The following SMAP1 variants were observed in gnomAD, a reference collection of about 807,000 sequenced individuals.
SMAP1 encodes small ArfGAP 1, also known as stromal membrane-associated protein 1.
SMAP1 carries 24 observed loss-of-function variants against 58.5 expected under a neutral mutation model. That is an observed-to-expected ratio of 0.41 (90% CI 0.30 to 0.58). SMAP1 has a LOEUF of 0.58. SMAP1 is among the 20% of genes least tolerant of loss of function. The probability of loss-of-function intolerance (pLI) is 0.29; values close to 1 mark genes in which losing one functional copy is unlikely to be tolerated. For synonymous variants in SMAP1, 216 were observed against 196.6 expected, an observed-to-expected ratio of 1.10 and a Z score of -0.82; for missense variants, 563 against 566.3, an observed-to-expected ratio of 0.99 and a Z score of 0.06.
intron 3 of SMAP1, among the ~76,000 whole-genome samples, chr6:70,766,438 C>G (rs1766990294): frequency 6.6e-6 from 1 of 152,178 alleles, no homozygotes; most frequent in Non-Finnish European, 1.5e-5. Context: ...GATTGCCATT[C>G]TAACTGGTGT....
intron 1 of SMAP1, among the ~76,000 whole-genome samples, chr6:70,671,448 C>T (rs768744300): frequency 2.0e-5 from 3 of 152,156 alleles, no homozygotes; most frequent in Non-Finnish European, 2.9e-5. Flanking sequence ...TGGCAGGCAC[C>T]TGTAATCCCT....
chr6:70,668,896 T>G (rs1205497281), intron 1 of SMAP1, among the ~76,000 whole-genome samples: 1 of 152,160 alleles, frequency 6.6e-6, no homozygotes, highest in Non-Finnish European at 1.5e-5. Context: ...ACCAGCTAGT[T>G]TGGGAGAATA....
intron 5 of SMAP1, 52 bp downstream of exon 5, chr6:70,791,821 A>G (rs1221833052): frequency 6.7e-7 from 1 of 1,485,010 alleles, no homozygotes; most frequent in East Asian, 2.3e-5. Flanking sequence ...TGGTAAATTA[A>G]CTTCCTTTTG....
chr6:70,797,748 A>G (rs1768668099), intron 5 of SMAP1, among the ~76,000 whole-genome samples: 1 of 152,080 alleles, frequency 6.6e-6, no homozygotes, highest in Admixed American at 6.6e-5. Flanking sequence ...TATTTTGAGT[A>G]AGTTCTGCAT....
In SMAP1 at chr6:70,755,133, T is replaced by G. The variant is rs530325858; in HGVS notation, c.338+68T>G. 32 of 1,223,990 alleles carry G rather than the reference T, an allele frequency of 2.6e-5. No individual in the cohort carries two copies. In the African/African-American group the frequency reaches 2.7e-4, roughly 10 times the overall value. 75.8% of individuals were successfully genotyped at this position (1,223,990 alleles called of 1,614,324 possible). On this transcript the variant is annotated intron_variant, in intron 3 of 10. Transcript: ENST00000370455. ...ACTCATTTTTACAGTTCATATTTTA[T>G]CTGTTAGTATTTAGGAAGATGTGAA...
intron 6 of SMAP1, among the ~76,000 whole-genome samples, chr6:70,836,511 C>CT (rs1451657565): frequency 6.6e-6 from 1 of 152,110 alleles, no homozygotes; most frequent in Non-Finnish European, 1.5e-5. Flanking sequence ...ATATGAAATG[C>CT]ATTTCTTCAA....
At position 70,861,808 on chromosome 6, in the gene SMAP1, G is replaced by GTAATGTGTA. The variant is rs1771745666; in HGVS notation, c.*1474_*1475insTAATGTGTA. The stretch of plus-strand genomic sequence containing the variant: ...TCTTCATGGTGACACTCGAGGTCGG[G>GTAATGTGTA]CAGCACAAGTGTAATGAATACCTTA... On this transcript the variant is annotated 3_prime_UTR_variant, in exon 11 of 11. Transcript: ENST00000370455. 1.2e-6 allele frequency: 2 copies of GTAATGTGTA among 1,613,858 alleles called. No individual in the cohort carries two copies.
chr6:70,826,515 G>A (rs546558576), intron 6 of SMAP1, among the ~76,000 whole-genome samples: 1 of 152,084 alleles, frequency 6.6e-6, no homozygotes, highest in African/African-American at 2.4e-5. Context: ...TGTAATCCTA[G>A]CACTTTGGGA....
intron 6 of SMAP1, among the ~76,000 whole-genome samples, chr6:70,833,782 A>G (rs1770458510): frequency 6.6e-6 from 1 of 152,174 alleles, no homozygotes; most frequent in South Asian, 2.1e-4. Context: ...ATTCTGTATC[A>G]TTTTTATATG....
intron 1 of SMAP1, among the ~76,000 whole-genome samples, chr6:70,670,763 T>G (rs552540868): frequency 6.6e-6 from 1 of 152,248 alleles, no homozygotes; most frequent in Non-Finnish European, 1.5e-5. Context: ...TTTGAGAATA[T>G]GTACCAAAAC....
intron 1 of SMAP1, among the ~76,000 whole-genome samples, chr6:70,687,101 G>T (rs1027856380): frequency 1.3e-5 from 2 of 152,168 alleles, no homozygotes; most frequent in African/African-American, 2.4e-5. Context: ...CTTAATTCCA[G>T]TAGCCTCATT....
At position 70,798,693 on chromosome 6, in the gene SMAP1, G is replaced by T; in HGVS notation, c.532G>T (p.Glu178Ter). 1 of 1,553,912 alleles carries T rather than the reference G, an allele frequency of 6.4e-7. No individual in the cohort carries two copies. ...AAAAAAAAAGGAAGAGAAAAAGAGA[G>T]AAAAGGAGCCAGAAAAGCCGGCAAA... Reference protein sequence around the residue: ...KEKKKEEKKREKEPEKPAKPL... With the variant: ...KEKKKEEKKR Residue 178 changes from glutamate to a stop codon, truncating the protein, a stop_gained, in exon 6 of 11, where the codon GAA (glutamate) becomes TAA (stop). Coordinates refer to ENST00000370455, the MANE Select transcript of SMAP1 (RefSeq NM_001044305.3). LOFTEE classifies it high-confidence loss of function.
intron 2 of SMAP1, among the ~76,000 whole-genome samples, chr6:70,738,370 C>A (rs1427909851): frequency 6.6e-6 from 1 of 150,854 alleles, no homozygotes; most frequent in Non-Finnish European, 1.5e-5. Flanking sequence ...TGAAAAGATT[C>A]TCAGGTTAAA....
intron 7 of SMAP1, among the ~76,000 whole-genome samples, chr6:70,845,117 C>T (rs1226984088): frequency 6.6e-6 from 1 of 152,190 alleles, no homozygotes; most frequent in Non-Finnish European, 1.5e-5. Context: ...AGCCATTTGC[C>T]ACATTCTTAT....
At chr6:70,730,445 T>G (rs1321770120) in intron 1 of SMAP1, among the ~76,000 whole-genome samples, 1 of 152,238 alleles carries the variant, frequency 6.6e-6, no homozygotes, top group Non-Finnish European at 1.5e-5. Flanking sequence ...ACTATTTACC[T>G]TAATGTGTAA....
At chr6:70,731,412 A>G (rs1016571768) in intron 1 of SMAP1, among the ~76,000 whole-genome samples, 4 of 152,208 alleles carry the variant, frequency 2.6e-5, no homozygotes, top group African/African-American at 7.2e-5. Flanking sequence ...AAGAACTAAC[A>G]TTTTGTAGCA....
chr6:70,707,049 T>G (rs1332840407), intron 1 of SMAP1, among the ~76,000 whole-genome samples: 1 of 152,214 alleles, frequency 6.6e-6, no homozygotes, highest in Admixed American at 6.5e-5. Flanking sequence ...TTTTTATCAA[T>G]AGTTTTTATG....
chr6:70,783,464 C>T (rs552139866), intron 4 of SMAP1, among the ~76,000 whole-genome samples: 8 of 152,238 alleles, frequency 5.3e-5, no homozygotes, highest in Admixed American at 2.6e-4. Context: ...ATGACTCTGA[C>T]GAGTTGAGAG....
chr6:70,745,848 G>T (rs960873737), intron 2 of SMAP1, among the ~76,000 whole-genome samples: 1 of 151,884 alleles, frequency 6.6e-6, no homozygotes, highest in Non-Finnish European at 1.5e-5. Context: ...CTTTTATTTC[G>T]TTGAGCAGTG....
Sources: gnomAD v4.1 joint callset for allele counts (sites outside exome capture counted in the v4.1 genomes callset) on GRCh38, gnomAD v4.1.1 for gene constraint, MANE v1.5 for transcripts, NCBI Gene and HGNC (gene_info 2026-07-23, HGNC 2026-07-21) for gene names.